ELF4: variants seen among roughly 807,000 people sequenced by gnomAD.
ELF4 encodes the protein E74 like ETS transcription factor 4, also known as ETS-related transcription factor Elf-4.
A neutral mutation model predicts 31.7 loss-of-function variants in ELF4; 10 were observed. The ratio of observed to expected loss-of-function variants is 0.32; its 90% CI spans 0.19 to 0.54. The LOEUF is 0.54. Ranked by LOEUF, ELF4 falls within the 20% of genes least tolerant of loss-of-function variation. The probability of loss-of-function intolerance (pLI) is 0.95; values close to 1 mark genes in which losing one functional copy is unlikely to be tolerated. For missense variants in ELF4, 418 were observed against 522.0 expected (o/e 0.80, Z 1.94); for synonymous variants, 208 against 226.7 (o/e 0.92, Z 0.74).
chrX:130,064,510 G>C lies in ELF4; in HGVS notation c.*2211C>G, dbSNP rs757760295. 4.4e-5 allele frequency among the ~76,000 whole-genome samples: 5 copies of C among 112,480 alleles called. No individual in the cohort carries two copies. The highest frequency in any genetic ancestry group is 9.4e-5 in the Non-Finnish European group (5 of 53,267). On this transcript the variant is annotated 3_prime_UTR_variant, in exon 9 of 9. Transcript: ENST00000308167. ...AGCTGACAAGCACCCACATGGAAAT[G>C]TTCAGCAGATTGCTGGAAATGTGAG...
chrX:130,071,154 G>A lies in ELF4; in HGVS notation c.695C>T (p.Thr232Ile), dbSNP rs1932783804. Residue 232 changes from threonine to isoleucine, a missense_variant, in exon 7 of 9, where the codon ACC (threonine) becomes ATC (isoleucine). Transcript: ENST00000308167. ...RNTCPKYIKWTQREKGIFKLV... is the reference protein window; with the variant it reads ...RNTCPKYIKWIQREKGIFKLV... ...TTTGAAGATGCCTTTCTCTCGCTGGGTCCACTTGATGTACTTGGGACAGGT... is the reference window on the plus strand; with the variant it reads ...TTTGAAGATGCCTTTCTCTCGCTGGATCCACTTGATGTACTTGGGACAGGT... The A allele has an allele frequency of 8.3e-7, 1 of 1,210,110 alleles. No individual in the cohort carries two copies. The highest frequency in any genetic ancestry group is 1.7e-5 in the African/African-American group (1 of 57,224).
chrX:130,066,659 G>C lies in ELF4; in HGVS notation c.*62C>G. 9.0e-7 allele frequency: 1 copy of C among 1,112,586 alleles called. No homozygotes were observed. Among genetic ancestry groups the C allele is most frequent in the Non-Finnish European group, 1.2e-6 (1 of 810,931 alleles). The allele number at this position is 1,112,586 out of a possible 1,213,427, so 91.7% of individuals were successfully genotyped here. A position where few individuals can be genotyped will look rare whatever the true frequency, so the allele number is the denominator to read the frequency against. ...CAGGGGCAGGTGTGCTACTGAAGTC[G>C]GTCCCTATGAAAATGCTGCTCAATT... On this transcript the variant is annotated 3_prime_UTR_variant, in exon 9 of 9. Coordinates refer to ENST00000308167, the MANE Select transcript of ELF4 (RefSeq NM_001421.4).
Position 130,067,658 on chromosome X carries a change from T to C in ELF4, c.1188-133A>G, listed in dbSNP as rs1008722455. ...GCTGTTTGTTGTTTTTTTCTTTTTC[T>C]AGAGACAGGGTCTCACTCTGCTGCC... On this transcript the variant is annotated intron_variant, in intron 8 of 8. Transcript: ENST00000308167. 5.7e-6 allele frequency: 4 copies of C among 698,581 alleles called. No individual in the cohort carries two copies. In the Middle Eastern group the frequency reaches 1.4e-3, roughly 237 times the overall value. 57.6% of individuals were successfully genotyped at this position (698,581 alleles called of 1,213,427 possible).
upstream of ELF4, chrX:130,110,543 C>G (rs1309240132): frequency 3.7e-5 from 4 of 108,798 alleles, no homozygotes; most frequent in African/African-American, 6.6e-5. Context: ...CCGCCGGGGC[C>G]GCCGTCCCCC....
intron 2 of ELF4, among the ~76,000 whole-genome samples, chrX:130,075,938 C>T (rs1319794293): frequency 9.0e-6 from 1 of 111,599 alleles, no homozygotes; most frequent in East Asian, 2.8e-4. Flanking sequence ...AGATACTGCT[C>T]ATGCCAAGGG....
chrX:130,094,676 C>T (rs1292982696), intron 1 of ELF4, among the ~76,000 whole-genome samples: 1 of 111,199 alleles, frequency 9.0e-6, no homozygotes, highest in African/African-American at 3.3e-5. Context: ...GATAGGGCCC[C>T]GCCGCCCCTG....
At chrX:130,076,557 G>A (rs1009310978) in intron 2 of ELF4, among the ~76,000 whole-genome samples, 2 of 111,165 alleles carry the variant, frequency 1.8e-5, no homozygotes, top group African/African-American at 3.3e-5. Context: ...TCACCTTCCC[G>A]AGTAGCTGGG....
At chrX:130,080,613 G>A (rs879222505) in intron 2 of ELF4, among the ~76,000 whole-genome samples, 2 of 110,420 alleles carry the variant, frequency 1.8e-5, no homozygotes, top group Admixed American at 1.9e-4. Flanking sequence ...CCAGGACACC[G>A]TTCAATGGGT....
chrX:130,069,748 C>T (rs899964545), intron 7 of ELF4, 71 bp from the exon 8 acceptor site: 1 of 1,191,308 alleles, frequency 8.4e-7, no homozygotes, highest in Non-Finnish European at 1.1e-6. Context: ...CTCCATCTCC[C>T]CAGTGCTCCT....
chrX:130,078,617 C>T (rs1223077267), intron 2 of ELF4, among the ~76,000 whole-genome samples: 1 of 110,783 alleles, frequency 9.0e-6, no homozygotes, highest in African/African-American at 3.3e-5. Context: ...ATTAGCCAGG[C>T]ATGGTGATGC....
intron 1 of ELF4, among the ~76,000 whole-genome samples, chrX:130,097,434 C>CA (rs747599368): frequency 4.9e-5 from 5 of 102,178 alleles, no homozygotes; most frequent in South Asian, 4.3e-4. Context: ...AAGACTGTCT[C>CA]AAAAAAAAGA....
intron 1 of ELF4, among the ~76,000 whole-genome samples, chrX:130,088,072 G>A (rs1329469608): frequency 1.8e-5 from 2 of 110,404 alleles, no homozygotes; most frequent in East Asian, 5.7e-4. Flanking sequence ...GCAAGGGAGG[G>A]GCATAACAAG....
intron 1 of ELF4, among the ~76,000 whole-genome samples, chrX:130,092,547 C>G (rs778402121): frequency 8.9e-5 from 10 of 112,562 alleles, no homozygotes; most frequent in Non-Finnish European, 1.9e-4. Context: ...ACCCTCTCCA[C>G]AAACCCTCTC....
At chrX:130,076,298 G>A (rs1932834152) in intron 2 of ELF4, among the ~76,000 whole-genome samples, 2 of 111,187 alleles carry the variant, frequency 1.8e-5, no homozygotes, top group Admixed American at 1.9e-4. Flanking sequence ...GCTGAGGCAG[G>A]TGCATCGCTT....
intron 1 of ELF4, among the ~76,000 whole-genome samples, chrX:130,087,361 G>T (rs1932976980): frequency 8.8e-6 from 1 of 113,072 alleles, no homozygotes; most frequent in Admixed American, 9.3e-5. Flanking sequence ...CTGCCTTGGG[G>T]TTGAGGCAGG....
chrX:130,086,002 T>C (rs929698254), intron 1 of ELF4, among the ~76,000 whole-genome samples: 1 of 111,771 alleles, frequency 8.9e-6, no homozygotes, highest in African/African-American at 3.3e-5. Flanking sequence ...CAGTCTGTAG[T>C]CCTGAACAGA....
At chrX:130,093,798 G>A (rs1441543945) in intron 1 of ELF4, among the ~76,000 whole-genome samples, 2 of 112,250 alleles carry the variant, frequency 1.8e-5, no homozygotes, top group Admixed American at 1.9e-4. Flanking sequence ...TGTGCAAGAA[G>A]CTAAGGGGAT....
intron 5 of ELF4, 72 bp downstream of exon 5, chrX:130,072,154 G>C: frequency 5.1e-6 from 6 of 1,165,591 alleles, no homozygotes; most frequent in Non-Finnish European, 7.0e-6. Flanking sequence ...ACACATCCAT[G>C]AGCCCTGACC....
At chrX:130,104,906 C>T (rs185754232) in intron 1 of ELF4, among the ~76,000 whole-genome samples, 42 of 111,095 alleles carry the variant, frequency 3.8e-4, no homozygotes, top group African/African-American at 1.3e-3. Context: ...TGCCTGTAAT[C>T]CCAGCACTTT....
Sources: allele counts gnomAD v4.1 joint callset (sites outside exome capture counted in the v4.1 genomes callset), GRCh38; gene constraint gnomAD v4.1.1; transcripts MANE v1.5; gene names NCBI Gene and HGNC (gene_info 2026-07-23, HGNC 2026-07-21).